ANKS1B: variants seen among roughly 807,000 people sequenced by gnomAD.
ANKS1B encodes ankyrin repeat and sterile alpha motif domain-containing protein 1B.
A neutral mutation model predicts 148.3 loss-of-function variants in ANKS1B; 36 were observed. The observed-to-expected ratio is 0.24, with a 90% CI of 0.19 to 0.32. The LOEUF (loss-of-function observed/expected upper bound fraction) is 0.32. Among genes scored for constraint, ANKS1B ranks in the 10% least tolerant of loss-of-function variants. The probability of loss-of-function intolerance (pLI) is 1.00; values close to 1 mark genes in which losing one functional copy is unlikely to be tolerated. For missense variants in ANKS1B, 1,157 were observed against 1,542.6 expected (o/e 0.75, Z 4.19); for synonymous variants, 542 against 560.8 (o/e 0.97, Z 0.47).
At chr12:99,442,561 G>A (rs1374559340) in intron 11 of ANKS1B, among the ~76,000 whole-genome samples, 2 of 151,882 alleles carry the variant, frequency 1.3e-5, no homozygotes, top group Non-Finnish European at 2.9e-5. Context: ...CCCCTTTGGA[G>A]TGCCAGTGAT....
Position 99,585,861 on chromosome 12 carries a change from A to AG in ANKS1B, c.1272+69205dup, listed in dbSNP as rs543849929. ...GGCACCAAGTCCCTAGGCTGCACAG[A>AG]GCAGGGAGGCCCTGGGCCCAGCTCA... On this transcript the variant is annotated intron_variant, in intron 9 of 26. Coordinates refer to ENST00000683438, the MANE Select transcript of ANKS1B (RefSeq NM_001352186.2). Among the ~76,000 whole-genome samples, 10 of 152,248 alleles carry AG rather than the reference A, an allele frequency of 6.6e-5. No homozygotes were observed. The South Asian group carries it at 2.1e-3, about 32-fold the overall frequency.
Position 99,246,733 on chromosome 12 carries a change from C to T in ANKS1B, c.1888G>A (p.Glu630Lys). 2.5e-6 allele frequency: 4 copies of T among 1,613,870 alleles called. No homozygotes were observed. Among genetic ancestry groups the T allele is most frequent in the Non-Finnish European group, 3.4e-6 (4 of 1,179,852 alleles). ...TCATCTTGTCCTTTTTCACATTGTT[C>T]TCTTTTCCCATAGAGATGAAATGGA... ...ENPFHLYGKR[E>K]QCEKGQDEVS... Residue 630 changes from glutamate to lysine, a missense_variant, in exon 13 of 27, where the codon GAA becomes AAA. Around this residue, in one of 6 missense-constraint regions of ANKS1B, gnomAD observed 661 missense variants for 642.1 expected, o/e 1.03. Transcript: ENST00000683438.
At chr12:99,678,282 G>A (rs982703522) in intron 8 of ANKS1B, among the ~76,000 whole-genome samples, 3 of 152,164 alleles carry the variant, frequency 2.0e-5, no homozygotes, top group African/African-American at 7.2e-5. Context: ...ATGGCAGCCT[G>A]TGTCTGTATT....
intron 9 of ANKS1B, among the ~76,000 whole-genome samples, chr12:99,550,906 A>T (rs1045274703): frequency 3.3e-5 from 5 of 152,124 alleles, no homozygotes; most frequent in Non-Finnish European, 5.9e-5. Flanking sequence ...ATCCTTGATT[A>T]TCTTCCTCTG....
At chr12:99,214,372 C>T (rs1408556027) in intron 14 of ANKS1B, among the ~76,000 whole-genome samples, 1 of 152,060 alleles carries the variant, frequency 6.6e-6, no homozygotes, top group African/African-American at 2.4e-5. Context: ...ATTGTAGCTC[C>T]CATAATCCCC....
chr12:99,652,498 G>A (rs1020342769), intron 9 of ANKS1B, among the ~76,000 whole-genome samples: 1 of 151,702 alleles, frequency 6.6e-6, no homozygotes, highest in Non-Finnish European at 1.5e-5. Flanking sequence ...TTTATAGTGA[G>A]AGAAACATTA....
intron 14 of ANKS1B, among the ~76,000 whole-genome samples, chr12:99,233,276 T>A (rs1401611659): frequency 6.6e-6 from 1 of 152,120 alleles, no homozygotes; most frequent in East Asian, 1.9e-4. Context: ...TAGTACAGTG[T>A]ATAATTTAAT....
intron 9 of ANKS1B, among the ~76,000 whole-genome samples, chr12:99,570,361 G>A (rs1000769854): frequency 9.2e-5 from 14 of 151,824 alleles, no homozygotes; most frequent in African/African-American, 2.9e-4. Context: ...AAATGAAGGC[G>A]GATAGGCCGG....
At chr12:98,898,903 T>G (rs2099768458) in intron 17 of ANKS1B, among the ~76,000 whole-genome samples, 1 of 152,164 alleles carries the variant, frequency 6.6e-6, no homozygotes, top group African/African-American at 2.4e-5. Flanking sequence ...ACCGTCAACA[T>G]AAACTGCTTA....
intron 17 of ANKS1B, among the ~76,000 whole-genome samples, chr12:98,982,195 T>G (rs1009118822): frequency 6.6e-6 from 1 of 152,320 alleles, no homozygotes; most frequent in African/African-American, 2.4e-5. Context: ...ATATGTAAAC[T>G]TAAAAGTAGT....
At chr12:99,978,356 A>T (rs10778035) in intron 1 of ANKS1B, among the ~76,000 whole-genome samples, 2 of 152,036 alleles carry the variant, frequency 1.3e-5, no homozygotes, top group South Asian at 4.1e-4. Context: ...GGGAGCTGAA[A>T]ACCCTGCTCA....
intron 8 of ANKS1B, among the ~76,000 whole-genome samples, chr12:99,701,514 T>G (rs2054815119): frequency 1.3e-5 from 2 of 152,266 alleles, no homozygotes; most frequent in South Asian, 4.1e-4. Context: ...ACTTCAAACA[T>G]TCATCATTTC....
At chr12:99,790,881 G>C (rs1481443359) in intron 4 of ANKS1B, among the ~76,000 whole-genome samples, 1 of 151,754 alleles carries the variant, frequency 6.6e-6, no homozygotes, top group African/African-American at 2.4e-5. Context: ...AAAAAAGAGA[G>C]CGAGAGAAAA....
intron 10 of ANKS1B, among the ~76,000 whole-genome samples, chr12:99,501,438 C>T (rs924506): frequency 0.52 from 78,751 of 151,906 alleles, 21,488 homozygotes; most frequent in African/African-American, 0.7. Context: ...AATGCATGAA[C>T]TGACATTTTT....
intron 15 of ANKS1B, among the ~76,000 whole-genome samples, chr12:99,097,832 C>T (rs1278844977): frequency 5.3e-5 from 8 of 152,172 alleles, no homozygotes; most frequent in African/African-American, 1.2e-4. Flanking sequence ...CCTTTTAACA[C>T]GGCATCTGTT....
intron 12 of ANKS1B, among the ~76,000 whole-genome samples, chr12:99,334,303 C>G (rs779089713): frequency 1.3e-5 from 2 of 151,880 alleles, no homozygotes; most frequent in Non-Finnish European, 2.9e-5. Context: ...AATTCAAGAC[C>G]CACCAGGCCT....
At chr12:99,918,580 G>A (rs140226046) in intron 1 of ANKS1B, among the ~76,000 whole-genome samples, 22 of 152,270 alleles carry the variant, frequency 1.4e-4, no homozygotes, top group Non-Finnish European at 2.9e-4. Context: ...ACCCTGGGCA[G>A]TCTCATCTAG....
chr12:99,076,629 T>C (rs769516097), intron 16 of ANKS1B, among the ~76,000 whole-genome samples: 1 of 152,156 alleles, frequency 6.6e-6, no homozygotes, highest in African/African-American at 2.4e-5. Context: ...TTATACACAT[T>C]TCTCTGGGAT....
intron 15 of ANKS1B, among the ~76,000 whole-genome samples, chr12:99,091,374 G>A (rs1037456810): frequency 2.0e-5 from 3 of 152,210 alleles, no homozygotes; most frequent in East Asian, 1.9e-4. Flanking sequence ...TTAAAGTATC[G>A]AGCAGGATTT....
Sources: allele counts gnomAD v4.1 joint callset (sites outside exome capture counted in the v4.1 genomes callset), GRCh38; gene constraint gnomAD v4.1.1; regional missense constraint gnomAD v4.1.1; transcripts MANE v1.5; gene names NCBI Gene and HGNC (gene_info 2026-07-23, HGNC 2026-07-21).